ACOXL: variants seen among roughly 807,000 people sequenced by gnomAD.
ACOXL encodes the protein acyl-coenzyme A oxidase-like protein.
Under a neutral mutation model 71.9 loss-of-function variants are expected in ACOXL, and 70 were observed. That is an observed-to-expected ratio of 0.97 (90% CI 0.80 to 1.19). The LOEUF (loss-of-function observed/expected upper bound fraction) is 1.19. ACOXL is among the 50% of genes most tolerant of loss of function. The pLI is 0.00. For missense variants in ACOXL, 703 were observed against 736.3 expected, an observed-to-expected ratio of 0.95 and a Z score of 0.52; for synonymous variants, 253 against 281.6, an observed-to-expected ratio of 0.90 and a Z score of 1.02.
intron 2 of ACOXL, among the ~76,000 whole-genome samples, chr2:110,776,362 CTG>C (rs1238687107): frequency 1.3e-5 from 2 of 152,148 alleles, no homozygotes; most frequent in African/African-American, 2.4e-5. Context: ...TTGCCAAACA[CTG>C]TGAATATACT....
At chr2:110,915,428 A>ATATTTTT (rs1315085098) in intron 11 of ACOXL, among the ~76,000 whole-genome samples, 12 of 108,002 alleles carry the variant, frequency 1.1e-4, no homozygotes, top group African/African-American at 3.9e-4. Context: ...ATATATATAT[A>ATATTTTT]TTTTTTTTTT....
intron 3 of ACOXL, among the ~76,000 whole-genome samples, chr2:110,785,299 A>T (rs1474224393): frequency 2.0e-5 from 3 of 152,076 alleles, no homozygotes; most frequent in Non-Finnish European, 1.5e-5. Context: ...AAAATCAGGA[A>T]ATCAATATTA....
At chr2:111,052,389 T>G (rs1454220370) in intron 16 of ACOXL, among the ~76,000 whole-genome samples, 1 of 152,068 alleles carries the variant, frequency 6.6e-6, no homozygotes, top group East Asian at 1.9e-4. Context: ...TCTCAAGGCT[T>G]GTTAATCACA....
At chr2:111,050,318 A>G (rs373938193) in intron 16 of ACOXL, among the ~76,000 whole-genome samples, 2 of 151,976 alleles carry the variant, frequency 1.3e-5, no homozygotes, top group African/African-American at 4.8e-5. Flanking sequence ...CGCTGCTCAT[A>G]CCAAGTGTTG....
intron 14 of ACOXL, among the ~76,000 whole-genome samples, chr2:111,021,440 GGAATTCTAGCTCAGTTTCAAA>G (rs2064754403): frequency 6.6e-6 from 1 of 152,128 alleles, no homozygotes; most frequent in Non-Finnish European, 1.5e-5. Context: ...CTGCTGTCTT[GGAATTCTAGCTCAGTTTCAAA>G]GCTTAGGGCA....
At chr2:111,097,975 G>A (rs1370587982) in intron 17 of ACOXL, among the ~76,000 whole-genome samples, 1 of 152,162 alleles carries the variant, frequency 6.6e-6, no homozygotes, top group Non-Finnish European at 1.5e-5. Flanking sequence ...ATAGATTATG[G>A]AAGAGAGAAA....
At chr2:111,003,550 C>CAAAAAAAAAAAAAAAAAAAAA (rs548001377) in intron 14 of ACOXL, among the ~76,000 whole-genome samples, 7 of 35,336 alleles carry the variant, frequency 2.0e-4, no homozygotes, top group African/African-American at 4.9e-4. Flanking sequence ...GACTCTGTCT[C>CAAAAAAAAAAAAAAAAAAAAA]AAAAAAAAAA....
At chr2:110,944,531 T>C (rs905420035) in intron 12 of ACOXL, among the ~76,000 whole-genome samples, 7 of 152,154 alleles carry the variant, frequency 4.6e-5, no homozygotes, top group African/African-American at 1.7e-4. Flanking sequence ...CCAGTGTCTG[T>C]TGTTCCCTTC....
intron 10 of ACOXL, among the ~76,000 whole-genome samples, chr2:110,874,725 G>A (rs1182360383): frequency 6.6e-6 from 1 of 152,198 alleles, no homozygotes; most frequent in African/African-American, 2.4e-5. Flanking sequence ...CAGAGCTCAC[G>A]GTGGAGGCCG....
chr2:110,854,539 A>G (rs566060693), intron 10 of ACOXL, among the ~76,000 whole-genome samples: 11 of 152,200 alleles, frequency 7.2e-5, no homozygotes, highest in Non-Finnish European at 1.3e-4. Flanking sequence ...GCTCTCCACC[A>G]GCAGGGGGAT....
At chr2:110,779,913 CA>C (rs1295909179) in intron 2 of ACOXL, among the ~76,000 whole-genome samples, 5 of 152,074 alleles carry the variant, frequency 3.3e-5, no homozygotes, top group Non-Finnish European at 7.4e-5. Context: ...AGAGGAGACT[CA>C]AAAATCACTT....
chr2:110,885,028 G>C (rs1331870928), intron 10 of ACOXL, among the ~76,000 whole-genome samples: 1 of 152,282 alleles, frequency 6.6e-6, no homozygotes. Flanking sequence ...TTACTGACTG[G>C]TTCAAAAATA....
intron 12 of ACOXL, among the ~76,000 whole-genome samples, chr2:110,979,740 C>T (rs2062620048): frequency 6.6e-6 from 1 of 152,154 alleles, no homozygotes. Context: ...CGGGCAGGTA[C>T]CTTAATAACT....
intron 10 of ACOXL, chr2:110,887,979 G>A (rs1697508019): frequency 6.6e-6 from 1 of 152,190 alleles, no homozygotes; most frequent in Non-Finnish European, 1.5e-5. Context: ...AATTATTTGA[G>A]TAATTTGAAT....
chr2:110,818,254 TG>T lies in ACOXL; in HGVS notation c.753+12861del, dbSNP rs572557203. Among the ~76,000 whole-genome samples, 12 of 151,644 alleles carry T rather than the reference TG, an allele frequency of 7.9e-5. No individual in the cohort carries two copies. The South Asian group carries it at 2.3e-3, about 29-fold the overall frequency. On this transcript the variant is annotated intron_variant, in intron 9 of 17. Coordinates refer to ENST00000439055, the MANE Select transcript of ACOXL (RefSeq NM_001142807.4). ...TAAAATTACAAAAATTAGCCTGGTG[TG>T]GTATGGCATGCGCCTATATTCCCAG...
chr2:110,908,302 A>G (rs1266184443), intron 10 of ACOXL, among the ~76,000 whole-genome samples: 1 of 152,182 alleles, frequency 6.6e-6, no homozygotes. Flanking sequence ...TCCACATAGA[A>G]TTGCAGGGGG....
intron 9 of ACOXL, among the ~76,000 whole-genome samples, chr2:110,816,039 T>C (rs1573652631): frequency 6.6e-6 from 1 of 151,714 alleles, no homozygotes; most frequent in African/African-American, 2.4e-5. Flanking sequence ...ATAGATTAAT[T>C]GATGGATGGA....
At chr2:110,887,837 T>C (rs886635503) in intron 10 of ACOXL, 1 of 152,218 alleles carries the variant, frequency 6.6e-6, no homozygotes, top group Admixed American at 6.5e-5. Context: ...TTTTGGATAA[T>C]ATCCAGGTTT....
intron 12 of ACOXL, among the ~76,000 whole-genome samples, chr2:110,950,432 C>T (rs1224194504): frequency 1.3e-5 from 2 of 152,134 alleles, no homozygotes; most frequent in Non-Finnish European, 2.9e-5. Context: ...AGGGTCTCAG[C>T]CCAAAATTTT....
Sources: allele counts gnomAD v4.1 joint callset (sites outside exome capture counted in the v4.1 genomes callset), GRCh38; gene constraint gnomAD v4.1.1; transcripts MANE v1.5; gene names NCBI Gene and HGNC (gene_info 2026-07-23, HGNC 2026-07-21).